HEPH: variants seen among roughly 807,000 people sequenced by gnomAD.
HEPH encodes hephaestin.
HEPH carries 69 observed loss-of-function variants against 80.8 expected under a neutral mutation model. The observed-to-expected ratio is 0.85, with a 90% CI of 0.70 to 1.04. HEPH has a LOEUF of 1.04. HEPH is among the 50% of genes least tolerant of loss of function. The probability of loss-of-function intolerance (pLI) is 0.00; values close to 1 mark genes in which losing one functional copy is unlikely to be tolerated. For missense variants in HEPH, 1,115 were observed against 891.3 expected (o/e 1.25, Z -3.20); for synonymous variants, 431 against 322.8 (o/e 1.34, Z -3.60).
intron 6 of HEPH, 144 bp from the exon 7 acceptor site, chrX:66,191,986 A>C (rs2087815583): frequency 1.9e-6 from 1 of 514,938 alleles, no homozygotes; most frequent in Non-Finnish European, 3.1e-6. Context: ...TTTAAGAGTG[A>C]GAGAAAGCGG....
rs781584338 is a variant in HEPH at position 66,194,072 on chromosome X, G to A, written c.1369+434G>A. Among the ~76,000 whole-genome samples, 10 of 111,679 alleles carry A rather than the reference G, an allele frequency of 9.0e-5. 1 individual carries two copies. In the South Asian group the frequency reaches 3.0e-3, roughly 34 times the overall value. ...ACATGCAGACATACTTGAAATAGGAGGAATGCAGAATAGGCTTAGAGTCTG... is the reference window on the plus strand; with the variant it reads ...ACATGCAGACATACTTGAAATAGGAAGAATGCAGAATAGGCTTAGAGTCTG... On this transcript the variant is annotated intron_variant, in intron 8 of 20. Transcript: ENST00000343002.
intron 4 of HEPH, among the ~76,000 whole-genome samples, chrX:66,186,572 C>T (rs868060604): frequency 2.2e-4 from 25 of 112,739 alleles, no homozygotes; most frequent in African/African-American, 6.4e-4. Flanking sequence ...GCGCATGGTG[C>T]GCACACACAC....
At chrX:66,168,824 A>C (rs1204576883) in intron 1 of HEPH, among the ~76,000 whole-genome samples, 1 of 111,888 alleles carries the variant, frequency 8.9e-6, no homozygotes, top group Admixed American at 9.5e-5. Context: ...GTCAGTGAAT[A>C]GTAGCCATTA....
chrX:66,188,700 C>T (rs769464669), intron 5 of HEPH, among the ~76,000 whole-genome samples, 159 bp downstream of exon 5: 1 of 112,197 alleles, frequency 8.9e-6, no homozygotes, highest in South Asian at 3.7e-4. Context: ...CATGTGAGGA[C>T]ACTGAGGCTC....
intron 4 of HEPH, among the ~76,000 whole-genome samples, chrX:66,175,204 G>A (rs774551922): frequency 8.9e-6 from 1 of 111,906 alleles, no homozygotes; most frequent in Non-Finnish European, 1.9e-5. Flanking sequence ...TGAGCGTTAA[G>A]GATCCAGTTT....
intron 15 of HEPH, among the ~76,000 whole-genome samples, chrX:66,235,847 A>G (rs370793180): frequency 8.9e-6 from 1 of 111,745 alleles, no homozygotes; most frequent in East Asian, 2.8e-4. Flanking sequence ...TTGCATTTGT[A>G]TAATCTCTGA....
At chrX:66,224,843 T>C (rs1451536146) in intron 15 of HEPH, among the ~76,000 whole-genome samples, 2 of 110,080 alleles carry the variant, frequency 1.8e-5, no homozygotes, top group African/African-American at 6.6e-5. Flanking sequence ...CTCTCTTTCT[T>C]TCTCTCTCTC....
At chrX:66,186,730 C>G (rs1213090991) in intron 4 of HEPH, among the ~76,000 whole-genome samples, 1 of 112,001 alleles carries the variant, frequency 8.9e-6, no homozygotes, top group African/African-American at 3.2e-5. Context: ...TCCTCCTCCC[C>G]CAGGTGTTCT....
At chrX:66,197,983 T>C (rs377521282) in intron 10 of HEPH, 89 bp downstream of exon 10, 5 of 784,213 alleles carry the variant, frequency 6.4e-6, no homozygotes, top group South Asian at 2.4e-5. Context: ...AACTGGGTTC[T>C]AAAGTTTAGG....
chrX:66,258,690 G>A (rs1363369197), intron 17 of HEPH, 150 bp from the exon 18 acceptor site: 1 of 401,209 alleles, frequency 2.5e-6, no homozygotes, highest in Non-Finnish European at 4.2e-6. Flanking sequence ...CTTGAAGAGG[G>A]ACAGATGGAA....
chrX:66,243,994 A>G (rs760504537), intron 15 of HEPH, among the ~76,000 whole-genome samples: 37 of 112,118 alleles, frequency 3.3e-4, no homozygotes, highest in Non-Finnish European at 5.6e-4. Flanking sequence ...GATGCTTTAT[A>G]TAGGCCCCCA....
At chrX:66,244,186 G>A (rs752164168) in intron 15 of HEPH, among the ~76,000 whole-genome samples, 25 of 111,679 alleles carry the variant, frequency 2.2e-4, no homozygotes, top group Non-Finnish European at 4.3e-4. Context: ...TCTTTCAGGT[G>A]TGCTATGCAA....
intron 7 of HEPH, among the ~76,000 whole-genome samples, chrX:66,192,938 T>A (rs982533373): frequency 6.3e-5 from 7 of 111,329 alleles, no homozygotes; most frequent in Non-Finnish European, 1.1e-4. Context: ...GAGGAGGCAC[T>A]TGATAGGTAA....
intron 1 of HEPH, 29 bp downstream of exon 1, chrX:66,164,499 T>A: frequency 2.7e-6 from 2 of 749,228 alleles, no homozygotes; most frequent in Non-Finnish European, 1.6e-6. Flanking sequence ...CTTTTCAAAC[T>A]CTACCTCACC....
chrX:66,239,518 A>G (rs2090488786), intron 15 of HEPH, among the ~76,000 whole-genome samples: 1 of 111,856 alleles, frequency 8.9e-6, no homozygotes, highest in African/African-American at 3.2e-5. Context: ...AATGGAACAG[A>G]CCATCCTCTA....
chrX:66,189,980 G>A (rs373235704), intron 6 of HEPH, 42 bp downstream of exon 6: 468 of 1,127,814 alleles, frequency 4.1e-4, no homozygotes, highest in Non-Finnish European at 5.2e-4. Context: ...TAAGAGAGAG[G>A]TATGATAATG....
rs369752587 is a variant in HEPH, at chrX:66,263,782, C to G, written c.3244+94C>G. The G allele has an allele frequency of 1.5e-5, 13 of 841,946 alleles. No homozygotes were observed. In the East Asian group the frequency reaches 1.6e-4, roughly 11 times the overall value. 69.4% of individuals were successfully genotyped at this position (841,946 alleles called of 1,213,427 possible). ...CCTTTAGGGTATGGGACTTATGTGACTGAGAGTTAGAATACATCAGCAGAA... is the reference window on the plus strand; with the variant it reads ...CCTTTAGGGTATGGGACTTATGTGAGTGAGAGTTAGAATACATCAGCAGAA... On this transcript the variant is annotated intron_variant, in intron 20 of 20. Coordinates refer to ENST00000343002, the MANE Select transcript of HEPH (RefSeq NM_001367233.3).
chrX:66,184,168 T>C lies in HEPH; in HGVS notation c.626-4191T>C, dbSNP rs1487470203. ...AGGTGTGGTGTGGTGCTGAAAAAAA[T>C]GTATATTCTGTTGATTTGGGGTGGA... On this transcript the variant is annotated intron_variant, in intron 4 of 20. Transcript: ENST00000343002. Among the ~76,000 whole-genome samples the C allele has an allele frequency of 4.2e-4, 22 of 52,101 alleles. 1 individual carries two copies. Among genetic ancestry groups the C allele is most frequent in the African/African-American group, 7.1e-4 (2 of 2,802 alleles). 45.2% of individuals were successfully genotyped at this position (52,101 alleles called of 115,157 possible). A position where few individuals can be genotyped will look rare whatever the true frequency, so the allele number is the denominator to read the frequency against.
intron 15 of HEPH, among the ~76,000 whole-genome samples, chrX:66,227,889 G>T (rs1172410283): frequency 9.0e-6 from 1 of 110,578 alleles, no homozygotes; most frequent in Non-Finnish European, 1.9e-5. Flanking sequence ...GATCTTTTTT[G>T]GTTCCATATG....
Sources: gnomAD v4.1 joint callset for allele counts (sites outside exome capture counted in the v4.1 genomes callset) on GRCh38, gnomAD v4.1.1 for gene constraint, MANE v1.5 for transcripts, NCBI Gene and HGNC (gene_info 2026-07-23, HGNC 2026-07-21) for gene names.